The following ZNF532 variants were observed in gnomAD, a reference collection of about 807,000 sequenced individuals.
The protein encoded by ZNF532 is zinc finger protein 532.
Under a neutral mutation model 89.3 loss-of-function variants are expected in ZNF532, and 22 were observed. The observed-to-expected ratio is 0.25, with a 90% CI of 0.18 to 0.35. The LOEUF is 0.35. Ranked by LOEUF, ZNF532 falls within the 10% of genes least tolerant of loss-of-function variation. ZNF532 has a pLI of 1.00. For missense variants in ZNF532, 1,132 were observed against 1,643.4 expected (o/e 0.69, Z 5.38); for synonymous variants, 606 against 649.6 (o/e 0.93, Z 1.02).
chr18:58,887,803 G>A (rs374237000), intron 2 of ZNF532, among the ~76,000 whole-genome samples: 1 of 152,204 alleles, frequency 6.6e-6, no homozygotes, highest in African/African-American at 2.4e-5. Flanking sequence ...CACCGAGTCG[G>A]GGCGAGCTGC....
rs998576138 is a variant in ZNF532, at chr18:58,939,354, G to T, written c.2529-91G>T. 4 of 1,082,282 alleles carry T rather than the reference G, an allele frequency of 3.7e-6. No homozygotes were observed. The South Asian group carries it at 6.2e-5, about 17-fold the overall frequency. The allele number at this position is 1,082,282 out of a possible 1,614,324, so 67.0% of individuals were successfully genotyped here. On this transcript the variant is annotated intron_variant, in intron 4 of 9. Transcript: ENST00000591808. The stretch of plus-strand genomic sequence containing the variant: ...GAAGGGCCATTAAAAACCTAAAAGG[G>T]CTATGAAAGTGTGTTCATCTCACCC...
intron 2 of ZNF532, among the ~76,000 whole-genome samples, chr18:58,907,486 G>A (rs748343436): frequency 1.3e-5 from 2 of 151,954 alleles, no homozygotes; most frequent in Non-Finnish European, 2.9e-5. Context: ...ACTGCACCCA[G>A]CCGAGAAGTT....
At chr18:58,877,774 G>A (rs1363173501) in intron 2 of ZNF532, among the ~76,000 whole-genome samples, 1 of 152,180 alleles carries the variant, frequency 6.6e-6, no homozygotes, top group South Asian at 2.1e-4. Context: ...GGGGAGTGGA[G>A]TGGGGTTTGG....
At chr18:58,890,634 A>G (rs1294666173) in intron 2 of ZNF532, among the ~76,000 whole-genome samples, 3 of 149,024 alleles carry the variant, frequency 2.0e-5, no homozygotes, top group Admixed American at 1.3e-4. Flanking sequence ...GTAAGGAAGG[A>G]TATGTGAATT....
intron 7 of ZNF532, among the ~76,000 whole-genome samples, chr18:58,959,384 C>T (rs571767153): frequency 7.3e-5 from 11 of 151,192 alleles, no homozygotes; most frequent in South Asian, 2.1e-4. Flanking sequence ...GCAGTCCTCC[C>T]GAGTAGCTAG....
At chr18:58,890,315 T>TA (rs1397588603) in intron 2 of ZNF532, among the ~76,000 whole-genome samples, 1 of 151,670 alleles carries the variant, frequency 6.6e-6, no homozygotes, top group Non-Finnish European at 1.5e-5. Flanking sequence ...TTAAGTAAAA[T>TA]TAAGTACCCT....
At chr18:58,916,953 C>T (rs2060643530) in intron 2 of ZNF532, among the ~76,000 whole-genome samples, 1 of 152,080 alleles carries the variant, frequency 6.6e-6, no homozygotes, top group Non-Finnish European at 1.5e-5. Flanking sequence ...AAAGCAGATT[C>T]GAAGGAAGGA....
intron 3 of ZNF532, among the ~76,000 whole-genome samples, chr18:58,925,238 A>G (rs1179436837): frequency 2.6e-5 from 4 of 152,216 alleles, no homozygotes; most frequent in African/African-American, 9.6e-5. Flanking sequence ...CAGGAGCAAC[A>G]CACGAGGGAT....
Position 58,887,695 on chromosome 18 carries a change from G to A in ZNF532, c.-18+22116G>A, listed in dbSNP as rs180726703. Among the ~76,000 whole-genome samples, 30 of 152,232 alleles carry A rather than the reference G, an allele frequency of 2.0e-4. 1 individual carries two copies. The highest frequency in any genetic ancestry group is 3.4e-3 in the Middle Eastern group (1 of 294). On this transcript the variant is annotated intron_variant, in intron 2 of 9. Coordinates refer to ENST00000591808, the MANE Select transcript of ZNF532 (RefSeq NM_001375912.1). ...CCACAAACCAAAACAGAACCCCCAC[G>A]CTCACAGGAGGGACCGTCATGCAGG...
At chr18:58,904,250 C>CT (rs2059781000) in intron 2 of ZNF532, among the ~76,000 whole-genome samples, 1 of 151,644 alleles carries the variant, frequency 6.6e-6, no homozygotes, top group Admixed American at 6.6e-5. Flanking sequence ...ACTTGGGAGT[C>CT]TGAGGTGAGA....
chr18:58,951,449 T>G (rs887021866), intron 6 of ZNF532, among the ~76,000 whole-genome samples: 9 of 152,198 alleles, frequency 5.9e-5, no homozygotes, highest in Non-Finnish European at 1.0e-4. Context: ...TTTTGTTTTC[T>G]TTAGGTTTTA....
intron 2 of ZNF532, among the ~76,000 whole-genome samples, chr18:58,908,331 A>T (rs2060066408): frequency 6.6e-6 from 1 of 152,220 alleles, no homozygotes; most frequent in Non-Finnish European, 1.5e-5. Flanking sequence ...TCTTCATGAA[A>T]GTTTGTCCAT....
chr18:58,939,031 G>A (rs963767249), intron 4 of ZNF532, among the ~76,000 whole-genome samples: 3 of 152,024 alleles, frequency 2.0e-5, no homozygotes, highest in African/African-American at 7.2e-5. Context: ...CGAATCACTT[G>A]AGGCTAGGAG....
chr18:58,979,356 AGG>A (rs2067439998), intron 8 of ZNF532, 189 bp downstream of exon 8: 5 of 407,116 alleles, frequency 1.2e-5, no homozygotes, highest in African/African-American at 2.0e-5. Context: ...TAAAAAAAAA[AGG>A]AGCATTTTCT....
intron 7 of ZNF532, among the ~76,000 whole-genome samples, chr18:58,978,083 T>C (rs1248266003): frequency 1.3e-5 from 2 of 152,184 alleles, no homozygotes; most frequent in East Asian, 1.9e-4. Flanking sequence ...ACTTCAAAGG[T>C]TCTGCATGGA....
At chr18:58,958,919 C>CT (rs1460449709) in intron 7 of ZNF532, among the ~76,000 whole-genome samples, 2 of 152,150 alleles carry the variant, frequency 1.3e-5, no homozygotes, top group Non-Finnish European at 2.9e-5. Context: ...TCCTGCTCTT[C>CT]TTTTTTGTTG....
intron 3 of ZNF532, 53 bp from the exon 4 acceptor site, chr18:58,934,380 T>C: frequency 6.6e-7 from 1 of 1,512,190 alleles, no homozygotes; most frequent in South Asian, 1.2e-5. Context: ...GTTCTTTGCA[T>C]ATTAGAAAGT....
chr18:58,928,421 C>T (rs2061697874), intron 3 of ZNF532, among the ~76,000 whole-genome samples: 1 of 152,326 alleles, frequency 6.6e-6, no homozygotes, highest in South Asian at 2.1e-4. Context: ...GGTCTATGCT[C>T]AGTGACCCCC....
chr18:58,970,449 G>T (rs1172133198), intron 7 of ZNF532, among the ~76,000 whole-genome samples: 1 of 152,220 alleles, frequency 6.6e-6, no homozygotes, highest in Non-Finnish European at 1.5e-5. Flanking sequence ...AGGTAGGACA[G>T]ATGCCTGCAA....
Sources: gnomAD v4.1 joint callset for allele counts (sites outside exome capture counted in the v4.1 genomes callset) on GRCh38, gnomAD v4.1.1 for gene constraint, MANE v1.5 for transcripts, NCBI Gene and HGNC (gene_info 2026-07-23, HGNC 2026-07-21) for gene names.